The following ROBO1 variants were observed in gnomAD, a reference collection of about 807,000 sequenced individuals.
ROBO1 encodes the protein roundabout homolog 1.
A neutral mutation model predicts 195.9 loss-of-function variants in ROBO1; 149 were observed. The observed-to-expected ratio is 0.76, with a 90% CI of 0.67 to 0.87. The LOEUF is 0.87. Ranked by LOEUF, ROBO1 falls within the 40% of genes least tolerant of loss-of-function variation. ROBO1 has a pLI of 0.00. For synonymous variants in ROBO1, 816 were observed against 733.2 expected (o/e 1.11, Z -1.82); for missense variants, 1,933 against 2,068.3 (o/e 0.93, Z 1.27).
At chr3:78,944,044 C>T (rs550942781) in intron 3 of ROBO1, among the ~76,000 whole-genome samples, 2 of 152,226 alleles carry the variant, frequency 1.3e-5, no homozygotes, top group South Asian at 2.1e-4. Context: ...GAAAAGAAAA[C>T]CACTACTAAT....
intron 4 of ROBO1, among the ~76,000 whole-genome samples, chr3:78,802,105 A>C (rs2084388914): frequency 6.6e-6 from 1 of 152,168 alleles, no homozygotes; most frequent in African/African-American, 2.4e-5. Flanking sequence ...ATGATTCAAC[A>C]GGCTAGGAAG....
At chr3:78,933,898 A>C (rs1415143087) in intron 4 of ROBO1, among the ~76,000 whole-genome samples, 1 of 152,002 alleles carries the variant, frequency 6.6e-6, no homozygotes, top group Non-Finnish European at 1.5e-5. Context: ...CACATGATCA[A>C]TTTCAAGATG....
chr3:79,070,712 C>A (rs2079073624), intron 3 of ROBO1, among the ~76,000 whole-genome samples: 1 of 151,716 alleles, frequency 6.6e-6, no homozygotes, highest in Non-Finnish European at 1.5e-5. Flanking sequence ...CAGTGAATAT[C>A]TTTAATCTGA....
intron 3 of ROBO1, among the ~76,000 whole-genome samples, chr3:78,940,418 C>A (rs575655159): frequency 1.3e-5 from 2 of 152,182 alleles, no homozygotes; most frequent in African/African-American, 4.8e-5. Flanking sequence ...CTGCTCTTAA[C>A]GTAAGTCTTT....
At chr3:78,755,364 G>GT (rs1327338423) in intron 4 of ROBO1, among the ~76,000 whole-genome samples, 1 of 152,092 alleles carries the variant, frequency 6.6e-6, no homozygotes, top group African/African-American at 2.4e-5. Flanking sequence ...GTTCTGGCTA[G>GT]TGGGGAGACT....
chr3:79,718,681 G>T (rs1293352392), intron 1 of ROBO1, among the ~76,000 whole-genome samples: 1 of 151,912 alleles, frequency 6.6e-6, no homozygotes, highest in Non-Finnish European at 1.5e-5. Flanking sequence ...AATAGAAAAT[G>T]GGCATGGAAA....
chr3:79,661,038 T>G (rs1231956461), intron 1 of ROBO1, among the ~76,000 whole-genome samples: 1 of 152,104 alleles, frequency 6.6e-6, no homozygotes, highest in African/African-American at 2.4e-5. Flanking sequence ...CAATTTATAC[T>G]AAAAAGTAGA....
chr3:78,711,394 C>CTTTCTTTCTTT (rs1491495795), intron 8 of ROBO1, among the ~76,000 whole-genome samples: 14 of 36,368 alleles, frequency 3.8e-4, no homozygotes, highest in African/African-American at 6.8e-4. Context: ...TTCCTTCCTT[C>CTTTCTTTCTTT]CTTCCTTTCT....
At chr3:79,376,260 G>T (rs574186221) in intron 2 of ROBO1, among the ~76,000 whole-genome samples, 2 of 152,048 alleles carry the variant, frequency 1.3e-5, no homozygotes, top group Non-Finnish European at 2.9e-5. Flanking sequence ...AGTTACTAAC[G>T]CAGGGTCAGG....
intron 2 of ROBO1, among the ~76,000 whole-genome samples, chr3:79,368,552 C>T (rs935473456): frequency 6.6e-6 from 1 of 151,988 alleles, no homozygotes; most frequent in Admixed American, 6.6e-5. Flanking sequence ...ACAAAACAAC[C>T]TCCTAAAATT....
intron 3 of ROBO1, among the ~76,000 whole-genome samples, chr3:78,963,512 T>G (rs1240855772): frequency 7.9e-6 from 1 of 126,124 alleles, no homozygotes; most frequent in Non-Finnish European, 1.6e-5. Flanking sequence ...TTTTTTTTTT[T>G]TTTTTTTTCT....
intron 2 of ROBO1, among the ~76,000 whole-genome samples, chr3:79,181,632 T>C (rs1450070160): frequency 1.3e-5 from 2 of 152,232 alleles, no homozygotes; most frequent in Non-Finnish European, 2.9e-5. Context: ...ATATGATAAT[T>C]GTAATATTTT....
At chr3:79,113,080 T>G (rs1166260728) in intron 3 of ROBO1, among the ~76,000 whole-genome samples, 1 of 152,072 alleles carries the variant, frequency 6.6e-6, no homozygotes, top group African/African-American at 2.4e-5. Context: ...AGAAGCCAGG[T>G]GGTTGTGAAA....
chr3:78,662,230 C>A, intron 14 of ROBO1, 116 bp from the exon 15 acceptor site: 3 of 860,518 alleles, frequency 3.5e-6, no homozygotes, highest in Non-Finnish European at 5.0e-6. Context: ...GAGTCCAAGC[C>A]AGGCTGTGAT....
chr3:79,457,439 T>C (rs2039654221), intron 2 of ROBO1, among the ~76,000 whole-genome samples: 1 of 151,804 alleles, frequency 6.6e-6, no homozygotes, highest in African/African-American at 2.4e-5. Flanking sequence ...CGCTGAGTCA[T>C]TTTCTCCTTT....
intron 3 of ROBO1, 82 bp downstream of exon 3, chr3:79,125,374 T>C: frequency 1.8e-6 from 2 of 1,124,992 alleles, no homozygotes; most frequent in Non-Finnish European, 2.7e-6. Flanking sequence ...ATGATTCGAT[T>C]AATTTTATAC....
intron 2 of ROBO1, among the ~76,000 whole-genome samples, chr3:79,458,744 T>C (rs2039701274): frequency 6.6e-6 from 1 of 151,950 alleles, no homozygotes; most frequent in Non-Finnish European, 1.5e-5. Flanking sequence ...GGGGAGCATT[T>C]CCAACCTAAC....
intron 3 of ROBO1, among the ~76,000 whole-genome samples, chr3:79,032,272 A>G (rs889203433): frequency 6.6e-6 from 1 of 152,086 alleles, no homozygotes; most frequent in African/African-American, 2.4e-5. Flanking sequence ...TAACATTGAG[A>G]GAAAATATTA....
intron 2 of ROBO1, among the ~76,000 whole-genome samples, chr3:79,283,988 C>A (rs1480875612): frequency 6.6e-6 from 1 of 152,026 alleles, no homozygotes; most frequent in Non-Finnish European, 1.5e-5. Flanking sequence ...TGAGCCACCG[C>A]GCCCGGCCTA....
Sources: allele counts gnomAD v4.1 joint callset (sites outside exome capture counted in the v4.1 genomes callset), GRCh38; gene constraint gnomAD v4.1.1; transcripts MANE v1.5; gene names NCBI Gene and HGNC (gene_info 2026-07-23, HGNC 2026-07-21).